Variants in SSH2 observed in about 807,000 individuals in gnomAD.
SSH2 encodes the protein protein phosphatase Slingshot homolog 2.
A neutral mutation model predicts 135.2 loss-of-function variants in SSH2; 37 were observed. The observed-to-expected ratio is 0.27, with a 90% CI of 0.21 to 0.36. The LOEUF (loss-of-function observed/expected upper bound fraction) is 0.36, where lower values mean the gene tolerates loss of function less well. SSH2 is among the 10% of genes least tolerant of loss of function. The pLI is 1.00. For missense variants in SSH2, 1,408 were observed against 1,765.3 expected, an observed-to-expected ratio of 0.80 and a Z score of 3.63; for synonymous variants, 628 against 646.2, an observed-to-expected ratio of 0.97 and a Z score of 0.43.
intron 1 of SSH2, among the ~76,000 whole-genome samples, chr17:29,890,343 C>T (rs991240827): frequency 1.3e-5 from 2 of 152,156 alleles, no homozygotes; most frequent in African/African-American, 4.8e-5. Flanking sequence ...TATGTCCATA[C>T]AGAAACTTGT....
At chr17:29,680,999 A>G (rs1376070518) in intron 6 of SSH2, among the ~76,000 whole-genome samples, 1 of 152,034 alleles carries the variant, frequency 6.6e-6, no homozygotes, top group Non-Finnish European at 1.5e-5. Flanking sequence ...ATATACAGGA[A>G]TCGACATTAC....
intron 3 of SSH2, among the ~76,000 whole-genome samples, chr17:29,715,782 A>AGAAACCATGTCTCTGGATGCCAC (rs1485575423): frequency 6.6e-6 from 1 of 152,222 alleles, no homozygotes; most frequent in Admixed American, 6.5e-5. Flanking sequence ...TAAGGAGATA[A>AGAAACCATGTCTCTGGATGCCAC]GAAACCATGT....
chr17:29,758,436 T>C (rs1307729600), intron 3 of SSH2, among the ~76,000 whole-genome samples: 1 of 152,178 alleles, frequency 6.6e-6, no homozygotes, highest in Non-Finnish European at 1.5e-5. Context: ...TATGATTAAA[T>C]GAGATAGATG....
At chr17:29,770,959 A>G (rs983022729) in intron 3 of SSH2, among the ~76,000 whole-genome samples, 9 of 152,096 alleles carry the variant, frequency 5.9e-5, no homozygotes, top group Admixed American at 3.9e-4. Flanking sequence ...TGTGTAGGTA[A>G]GGAGAGCTAG....
chr17:29,667,864 G>A (rs1942405299), intron 9 of SSH2, among the ~76,000 whole-genome samples: 1 of 152,184 alleles, frequency 6.6e-6, no homozygotes, highest in South Asian at 2.1e-4. Flanking sequence ...CTACCTGAAG[G>A]ATTATGTCAC....
intron 3 of SSH2, among the ~76,000 whole-genome samples, chr17:29,714,688 TTAGACTTC>T (rs2039555152): frequency 6.6e-6 from 1 of 152,180 alleles, no homozygotes; most frequent in African/African-American, 2.4e-5. Flanking sequence ...TTTACTCCTT[TTAGACTTC>T]TAGTTCACAG....
chr17:29,634,422 A>G lies in SSH2; in HGVS notation c.2263-1491T>C, dbSNP rs140902696. Among the ~76,000 whole-genome samples the G allele has an allele frequency of 3.9e-3, 600 of 152,324 alleles. 4 individuals carry two copies. The highest frequency in any genetic ancestry group is 0.013 in the African/African-American group (560 of 41,572). The stretch of plus-strand genomic sequence containing the variant: ...ATGTCAGAAGTGTCAAAATATGAGT[A>G]TGAGTCTTAGAATTGATGCGATATA... On this transcript the variant is annotated intron_variant, in intron 15 of 15. Coordinates refer to ENST00000540801, the MANE Select transcript of SSH2 (RefSeq NM_001282129.2).
intron 5 of SSH2, among the ~76,000 whole-genome samples, chr17:29,690,919 C>T (rs1262853584): frequency 6.7e-6 from 1 of 149,632 alleles, no homozygotes; most frequent in Admixed American, 6.7e-5. Flanking sequence ...TCACTCTTTA[C>T]ACACACACAC....
At position 29,744,882 on chromosome 17, in the gene SSH2, TG is replaced by T. The variant is rs1459588645; in HGVS notation, c.189-41821del. ...TTGAGTGTGTGTGTGTGTGTGTGTG[TG>T]TGTGTGTGTGTGTGTGTGTTTAAAT... On this transcript the variant is annotated intron_variant, in intron 3 of 15. Transcript: ENST00000540801. Among the ~76,000 whole-genome samples the T allele has an allele frequency of 9.3e-5, 14 of 151,050 alleles. No homozygotes were observed. In the South Asian group the frequency reaches 1.9e-3, roughly 20 times the overall value.
chr17:29,856,353 A>G (rs1415976437), intron 1 of SSH2: 2 of 216,868 alleles, frequency 9.2e-6, no homozygotes, highest in African/African-American at 2.4e-5. Context: ...TTGTCCAGCT[A>G]CAGCAACAAG....
Position 29,819,645 on chromosome 17 carries a change from G to A in SSH2, c.145-25708C>T, listed in dbSNP as rs1255546556. 2.0e-5 allele frequency among the ~76,000 whole-genome samples: 3 copies of A among 152,174 alleles called. No individual in the cohort carries two copies. The East Asian group carries it at 5.8e-4, about 29-fold the overall frequency. On this transcript the variant is annotated intron_variant, in intron 2 of 15. Transcript: ENST00000540801. ...AGGAATAGCTTTCAGTTCTATCTAT[G>A]TGTATTATGTGAACACGTGCACATT...
At chr17:29,741,908 C>G (rs1351562957) in intron 3 of SSH2, among the ~76,000 whole-genome samples, 1 of 150,384 alleles carries the variant, frequency 6.6e-6, no homozygotes, top group Non-Finnish European at 1.5e-5. Context: ...AGCCACCATA[C>G]CCAGCCAGCA....
chr17:29,661,718 C>A (rs1483611474), intron 11 of SSH2, among the ~76,000 whole-genome samples: 1 of 152,210 alleles, frequency 6.6e-6, no homozygotes, highest in Non-Finnish European at 1.5e-5. Context: ...AAATCTAAAT[C>A]CTTCGTGGAA....
In SSH2 at chr17:29,635,986, C is replaced by A; in HGVS notation, c.2244G>T (p.Met748Ile). 6.2e-7 allele frequency: 1 copy of A among 1,611,666 alleles called. No homozygotes were observed. The highest frequency in any genetic ancestry group is 8.5e-7 in the Non-Finnish European group (1 of 1,178,118). Reference protein sequence around the residue: ...NTPHASEESSMDEEQSKAISE... With the variant: ...NTPHASEESSIDEEQSKAISE... ...TTTTTACCTTTGACTGTTCCTCATC[C>A]ATTGAAGATTCTTCTGATGCATGGG... is the stretch of plus-strand genomic sequence containing the variant. Residue 748 changes from methionine (M) to isoleucine (I), a missense_variant, in exon 15 of 16, where the codon ATG (methionine) becomes ATT (isoleucine). Met to Ile is a conservative substitution (Grantham distance 10). This residue lies in a region of SSH2 where 1,080 missense variants were observed against 1,144.5 expected (regional missense o/e 0.94). Transcript: ENST00000540801.
chr17:29,788,965 C>G (rs1487086211), intron 3 of SSH2, among the ~76,000 whole-genome samples: 2 of 152,176 alleles, frequency 1.3e-5, no homozygotes, highest in African/African-American at 4.8e-5. Context: ...TGGAAAAGCC[C>G]TTTCTGACGA....
chr17:29,705,059 T>C (rs975384151), intron 3 of SSH2, among the ~76,000 whole-genome samples: 1 of 152,186 alleles, frequency 6.6e-6, no homozygotes, highest in African/African-American at 2.4e-5. Flanking sequence ...AGTCAATCTC[T>C]GGCCTCGTTC....
intron 1 of SSH2, chr17:29,865,909 T>C (rs936224585): frequency 2.0e-5 from 3 of 152,176 alleles, no homozygotes; most frequent in Non-Finnish European, 4.4e-5. Context: ...GAGACCAGCC[T>C]GGTCAACATG....
At chr17:29,699,934 C>T (rs1022495627) in intron 4 of SSH2, among the ~76,000 whole-genome samples, 14 of 152,150 alleles carry the variant, frequency 9.2e-5, no homozygotes, top group African/African-American at 2.7e-4. Flanking sequence ...TCTTCCCTTA[C>T]TCTAAAAAAT....
intron 9 of SSH2, among the ~76,000 whole-genome samples, chr17:29,667,977 T>C (rs1302087725): frequency 2.0e-5 from 3 of 152,182 alleles, no homozygotes; most frequent in Non-Finnish European, 4.4e-5. Context: ...AAGGTAGTGG[T>C]TCAATGTAAC....
Sources: gnomAD v4.1 joint callset for allele counts (sites outside exome capture counted in the v4.1 genomes callset) on GRCh38, gnomAD v4.1.1 for gene constraint, gnomAD v4.1.1 regional missense constraint, MANE v1.5 for transcripts, NCBI Gene and HGNC (gene_info 2026-07-23, HGNC 2026-07-21) for gene names.